RPS6KC1: variants seen among roughly 807,000 people sequenced by gnomAD.
RPS6KC1 encodes the protein ribosomal protein S6 kinase C1.
RPS6KC1 carries 54 observed loss-of-function variants against 103.8 expected under a neutral mutation model. That is an observed-to-expected ratio of 0.52 (90% CI 0.42 to 0.65). The LOEUF is 0.65. Ranked by LOEUF, RPS6KC1 falls within the 30% of genes least tolerant of loss-of-function variation. The pLI, the probability that RPS6KC1 is intolerant of heterozygous loss-of-function variation, is 0.00. For missense variants in RPS6KC1, 1,151 were observed against 1,253.8 expected (o/e 0.92, Z 1.24); for synonymous variants, 439 against 438.7 (o/e 1.00, Z -0.01).
At chr1:213,467,356 A>G in the RPS6KC1 span, among the ~76,000 whole-genome samples, 2 of 152,206 alleles carry the variant, frequency 1.3e-5, no homozygotes, top group Non-Finnish European at 2.9e-5. Context: ...TTGACTTTAT[A>G]CCTGAATTCC....
chr1:213,301,346 A>G, the RPS6KC1 span, among the ~76,000 whole-genome samples: 1 of 152,346 alleles, frequency 6.6e-6, no homozygotes, highest in East Asian at 1.9e-4. Flanking sequence ...TTCAAAAATA[A>G]AAAATTAATG....
the RPS6KC1 span, among the ~76,000 whole-genome samples, chr1:213,425,220 A>G: frequency 6.6e-6 from 1 of 152,114 alleles, no homozygotes; most frequent in Admixed American, 6.5e-5. Flanking sequence ...TCTCCAACAA[A>G]AGCACGCAAT....
chr1:213,747,292 G>C, the RPS6KC1 span, among the ~76,000 whole-genome samples: 4 of 152,168 alleles, frequency 2.6e-5, no homozygotes, highest in Admixed American at 1.3e-4. Flanking sequence ...TGAGGACTAA[G>C]ATAATATTAT....
intron 7 of RPS6KC1, among the ~76,000 whole-genome samples, chr1:213,169,516 T>C (rs2091289860): frequency 6.6e-6 from 1 of 152,180 alleles, no homozygotes; most frequent in Non-Finnish European, 1.5e-5. Context: ...TTCTTTTAAT[T>C]ATATTAAATT....
the RPS6KC1 span, among the ~76,000 whole-genome samples, chr1:213,318,357 C>G: frequency 1.7e-3 from 258 of 152,360 alleles, 5 homozygotes; most frequent in Admixed American, 0.012. Context: ...GCTAAAGGCC[C>G]TTGTCTTGCA....
At chr1:213,715,506 G>C in the RPS6KC1 span, among the ~76,000 whole-genome samples, 1 of 152,184 alleles carries the variant, frequency 6.6e-6, no homozygotes. Flanking sequence ...ATTTGGTTCA[G>C]GTCTTCCAAG....
At chr1:213,383,750 C>T in the RPS6KC1 span, among the ~76,000 whole-genome samples, 1 of 151,908 alleles carries the variant, frequency 6.6e-6, no homozygotes, top group Non-Finnish European at 1.5e-5. Flanking sequence ...CACCCCTACC[C>T]TTCCCTGCAT....
the RPS6KC1 span, among the ~76,000 whole-genome samples, chr1:213,464,292 G>T: frequency 6.6e-6 from 1 of 152,068 alleles, no homozygotes; most frequent in Non-Finnish European, 1.5e-5. Flanking sequence ...ATGCTTGGTA[G>T]AATTTTTCCA....
chr1:213,263,222 A>C (rs1254688452), intron 14 of RPS6KC1, among the ~76,000 whole-genome samples: 1 of 152,210 alleles, frequency 6.6e-6, no homozygotes, highest in African/African-American at 2.4e-5. Context: ...AAAGCTACTC[A>C]GGTTGCTTAG....
chr1:213,056,491 T>C (rs936193485), intron 1 of RPS6KC1, among the ~76,000 whole-genome samples: 4 of 152,218 alleles, frequency 2.6e-5, no homozygotes, highest in African/African-American at 9.6e-5. Context: ...TACTATAGTT[T>C]GGCAAAAGTG....
At chr1:213,150,509 A>G (rs1572851226) in intron 6 of RPS6KC1, among the ~76,000 whole-genome samples, 1 of 150,168 alleles carries the variant, frequency 6.7e-6, no homozygotes, top group East Asian at 1.9e-4. Context: ...GGGAGTGGTG[A>G]TGACTCTTAA....
At chr1:213,127,904 T>C (rs1390248732) in intron 5 of RPS6KC1, among the ~76,000 whole-genome samples, 1 of 152,160 alleles carries the variant, frequency 6.6e-6, no homozygotes, top group East Asian at 1.9e-4. Flanking sequence ...ATGTTATAAA[T>C]TCATGCACAG....
intron 8 of RPS6KC1, among the ~76,000 whole-genome samples, chr1:213,212,612 TG>T (rs1218200313): frequency 6.6e-6 from 1 of 152,238 alleles, no homozygotes; most frequent in African/African-American, 2.4e-5. Context: ...ATGTAATTGC[TG>T]GTTCATTTAT....
At chr1:213,659,591 C>A in the RPS6KC1 span, among the ~76,000 whole-genome samples, 2 of 150,926 alleles carry the variant, frequency 1.3e-5, no homozygotes, top group East Asian at 3.9e-4. Flanking sequence ...AAATTCAAAT[C>A]AAAACTAATG....
chr1:213,174,357 A>G (rs962875143), intron 7 of RPS6KC1, among the ~76,000 whole-genome samples: 1 of 152,224 alleles, frequency 6.6e-6, no homozygotes, highest in Non-Finnish European at 1.5e-5. Context: ...ATGAAACAAT[A>G]TAAATGAAGA....
At chr1:213,708,122 TACTTTGGGCA>T in the RPS6KC1 span, among the ~76,000 whole-genome samples, 11 of 152,230 alleles carry the variant, frequency 7.2e-5, no homozygotes, top group African/African-American at 2.4e-4. Flanking sequence ...ATTTCTAAAT[TACTTTGGGCA>T]GTATGGCAAT....
At chr1:213,529,108 C>T in the RPS6KC1 span, among the ~76,000 whole-genome samples, 232 of 151,518 alleles carry the variant, frequency 1.5e-3, 2 homozygotes, top group African/African-American at 5.2e-3. Context: ...TGGAAGAGAC[C>T]GACATGAATC....
intron 12 of RPS6KC1, among the ~76,000 whole-genome samples, chr1:213,252,034 C>G (rs2094554970): frequency 6.6e-6 from 1 of 152,180 alleles, no homozygotes; most frequent in Non-Finnish European, 1.5e-5. Context: ...TTAGCTGTCC[C>G]CCTTCCCACA....
chr1:213,352,824 A>G, the RPS6KC1 span, among the ~76,000 whole-genome samples: 1 of 152,096 alleles, frequency 6.6e-6, no homozygotes, highest in Non-Finnish European at 1.5e-5. Context: ...AGCTGGACCT[A>G]TGGATGCTTC....
Sources: allele counts gnomAD v4.1 joint callset (sites outside exome capture counted in the v4.1 genomes callset), GRCh38; gene constraint gnomAD v4.1.1; transcripts MANE v1.5; gene names NCBI Gene and HGNC (gene_info 2026-07-23, HGNC 2026-07-21).